The following CNOT1 variants were observed in gnomAD, a reference collection of about 807,000 sequenced individuals.
CNOT1 encodes the protein CCR4-NOT transcription complex subunit 1.
In CNOT1, 15 loss-of-function variants were observed where a neutral mutation model predicts 273.8. The observed-to-expected ratio is 0.05, with a 90% CI of 0.04 to 0.08. The LOEUF (loss-of-function observed/expected upper bound fraction) is 0.08. Among genes scored for constraint, CNOT1 ranks in the 10% least tolerant of loss-of-function variants. The pLI, the probability that CNOT1 is intolerant of heterozygous loss-of-function variation, is 1.00. For synonymous variants in CNOT1, 1,022 were observed against 1,005.5 expected, an observed-to-expected ratio of 1.02 and a Z score of -0.31; for missense variants, 1,644 against 2,912.2, an observed-to-expected ratio of 0.56 and a Z score of 10.02.
chr16:58,582,941 C>T (rs376011977), intron 9 of CNOT1, 38 bp from the exon 10 acceptor site: 56 of 1,613,364 alleles, frequency 3.5e-5, no homozygotes, highest in Non-Finnish European at 4.3e-5. Context: ...AACCCAACTA[C>T]TCCATGTGTT....
intron 3 of CNOT1, among the ~76,000 whole-genome samples, chr16:58,588,180 T>G (rs898970887): frequency 6.6e-6 from 1 of 152,002 alleles, no homozygotes; most frequent in Non-Finnish European, 1.5e-5. Flanking sequence ...ATGCCTATAA[T>G]CTCAGCTACT....
chr16:58,595,749 G>C (rs1377531114), intron 2 of CNOT1, among the ~76,000 whole-genome samples: 2 of 152,154 alleles, frequency 1.3e-5, no homozygotes, highest in East Asian at 3.9e-4. Flanking sequence ...AGGGGTGACA[G>C]AGTCAGTGAT....
intron 10 of CNOT1, among the ~76,000 whole-genome samples, chr16:58,582,053 G>A (rs1567421339): frequency 6.7e-6 from 1 of 150,148 alleles, no homozygotes; most frequent in Non-Finnish European, 1.5e-5. Flanking sequence ...GAAGGAGGGC[G>A]CATTGCCTGA....
chr16:58,613,135 G>A lies in CNOT1; in HGVS notation c.-174-13624C>T, dbSNP rs547062854. On this transcript the variant is annotated intron_variant, in intron 1 of 48. Transcript: ENST00000317147. Reference sequence around the variant, plus strand: ...TAACCTCCCCCTCCCAGGTTCAAGCGATTCTCCTGCCTCGGGATCCTAAGT... The same window carrying A: ...TAACCTCCCCCTCCCAGGTTCAAGCAATTCTCCTGCCTCGGGATCCTAAGT... 2.6e-4 allele frequency among the ~76,000 whole-genome samples: 39 copies of A among 152,198 alleles called. 1 individual carries two copies. Among genetic ancestry groups the A allele is most frequent in the African/African-American group, 6.3e-4 (26 of 41,564 alleles).
At chr16:58,578,651 G>T in intron 13 of CNOT1, 48 bp downstream of exon 13, 1 of 1,599,502 alleles carries the variant, frequency 6.3e-7, no homozygotes, top group Non-Finnish European at 8.5e-7. Context: ...CTCCAAAGAA[G>T]ATCAATTATT....
chr16:58,583,492 G>C (rs989781577), intron 8 of CNOT1, among the ~76,000 whole-genome samples: 9 of 152,150 alleles, frequency 5.9e-5, no homozygotes, highest in Admixed American at 5.9e-4. Context: ...AATGCAGTGG[G>C]CTCCCAAACC....
At position 58,583,472 on chromosome 16, in the gene CNOT1, A is replaced by G. The variant is rs541468868; in HGVS notation, c.807-290T>C. ...TAAGCTATGAGGATGCAAAGGCATA[A>G]GAATGATACAATGCAGTGGGCTCCC... On this transcript the variant is annotated intron_variant, in intron 8 of 48. Coordinates refer to ENST00000317147, the MANE Select transcript of CNOT1 (RefSeq NM_016284.5). Among the ~76,000 whole-genome samples the G allele has an allele frequency of 3.3e-5, 5 of 152,350 alleles. No individual in the cohort carries two copies. The South Asian group carries it at 1.0e-3, about 32-fold the overall frequency.
intron 1 of CNOT1, among the ~76,000 whole-genome samples, chr16:58,620,645 G>T (rs1470593677): frequency 8.4e-5 from 8 of 95,268 alleles, no homozygotes; most frequent in Non-Finnish European, 1.5e-4. Context: ...CGAAGACTCT[G>T]TCTCATTTAA....
rs556263623 is a variant in CNOT1 at position 58,567,872 on chromosome 16, T to C, written c.1979+6737A>G. On this transcript the variant is annotated intron_variant, in intron 16 of 48. Coordinates refer to ENST00000317147, the MANE Select transcript of CNOT1 (RefSeq NM_016284.5). ...TCTTCAAAGCCTCCTTCTCAGTGAA[T>C]TGTCATTATTTCATCTGTATAGGGA... Among the ~76,000 whole-genome samples, 7 of 152,338 alleles carry C rather than the reference T, an allele frequency of 4.6e-5. No homozygotes were observed. In the South Asian group the frequency reaches 1.4e-3, roughly 32 times the overall value.
At position 58,580,669 on chromosome 16, in the gene CNOT1, G is replaced by A. The variant is rs1348463988; in HGVS notation, c.1307C>T (p.Ala436Val). The A allele has an allele frequency of 1.9e-6, 3 of 1,613,076 alleles. No homozygotes were observed. Among genetic ancestry groups the A allele is most frequent in the Non-Finnish European group, 2.5e-6 (3 of 1,179,622 alleles). Reference sequence around the variant, plus strand: ...TTCTCGATTGTCATCCTCTGGTGGTGCTTTCAGAATATCAGTGGCAACAGT... The same window carrying A: ...TTCTCGATTGTCATCCTCTGGTGGTACTTTCAGAATATCAGTGGCAACAGT... Reference protein sequence around the residue: ...CHTVATDILKAPPEDDNREIA... With the variant: ...CHTVATDILKVPPEDDNREIA... The change falls in exon 12 of 49, where the codon GCA (alanine) becomes GTA (valine). Residue 436 changes from alanine (A) to valine (V), a missense_variant. Physicochemically the swap from Ala to Val is moderately conservative, Grantham distance 64. Around this residue, in one of 13 missense-constraint regions of CNOT1, gnomAD observed 706 missense variants for 1,021.2 expected, o/e 0.69. Coordinates refer to ENST00000317147, the MANE Select transcript of CNOT1 (RefSeq NM_016284.5).
intron 2 of CNOT1, among the ~76,000 whole-genome samples, chr16:58,598,517 T>G (rs2042347284): frequency 6.6e-6 from 1 of 151,124 alleles, no homozygotes. Context: ...TGCAGTGAGC[T>G]GAGATCGCGT....
intron 2 of CNOT1, among the ~76,000 whole-genome samples, chr16:58,595,856 C>G (rs2042232665): frequency 6.6e-6 from 1 of 152,166 alleles, no homozygotes; most frequent in Non-Finnish European, 1.5e-5. Context: ...ATTTCTAAAA[C>G]AGGAATGCTT....
At chr16:58,598,530 C>T (rs1216407224) in intron 2 of CNOT1, among the ~76,000 whole-genome samples, 4 of 151,508 alleles carry the variant, frequency 2.6e-5, no homozygotes, top group Non-Finnish European at 4.4e-5. Context: ...GATCGCGTCA[C>T]TGCACTCCAG....
intron 1 of CNOT1, among the ~76,000 whole-genome samples, chr16:58,614,008 C>T (rs1344461497): frequency 2.7e-5 from 3 of 112,988 alleles, no homozygotes; most frequent in South Asian, 2.6e-4. Context: ...AGGAGAATGG[C>T]GTGAACCCGG....
At chr16:58,616,682 G>C (rs936803775) in intron 1 of CNOT1, among the ~76,000 whole-genome samples, 1 of 151,974 alleles carries the variant, frequency 6.6e-6, no homozygotes, top group East Asian at 1.9e-4. Flanking sequence ...GTTTGCTTTC[G>C]TGAGAATGAC....
At chr16:58,534,059 AAAC>A in intron 40 of CNOT1, 85 bp downstream of exon 40, 1 of 1,214,296 alleles carries the variant, frequency 8.2e-7, no homozygotes, top group East Asian at 3.6e-5. Context: ...TCTCTCAAAG[AAAC>A]AATATAAAAA....
intron 2 of CNOT1, among the ~76,000 whole-genome samples, chr16:58,598,637 A>T (rs1013392703): frequency 3.6e-5 from 5 of 138,752 alleles, no homozygotes; most frequent in South Asian, 2.4e-4. Flanking sequence ...TGTCTCAAAT[A>T]AAAAAAAAAA....
At chr16:58,552,531 C>G (rs2040487090) in intron 22 of CNOT1, among the ~76,000 whole-genome samples, 1 of 152,114 alleles carries the variant, frequency 6.6e-6, no homozygotes, top group South Asian at 2.1e-4. Context: ...ACTCTTTCTC[C>G]AAGTCTTTCA....
chr16:58,600,526 C>T (rs903375463), intron 1 of CNOT1, among the ~76,000 whole-genome samples: 1 of 152,092 alleles, frequency 6.6e-6, no homozygotes, highest in East Asian at 1.9e-4. Flanking sequence ...ATGGTATCTG[C>T]GACCTATTTA....
Sources: gnomAD v4.1 joint callset for allele counts (sites outside exome capture counted in the v4.1 genomes callset) on GRCh38, gnomAD v4.1.1 for gene constraint, gnomAD v4.1.1 regional missense constraint, MANE v1.5 for transcripts, NCBI Gene and HGNC (gene_info 2026-07-23, HGNC 2026-07-21) for gene names.